The following PDE4D variants were observed in gnomAD, a reference collection of about 807,000 sequenced individuals.
PDE4D encodes the protein 3',5'-cyclic-AMP phosphodiesterase 4D.
Under a neutral mutation model 87.4 loss-of-function variants are expected in PDE4D, and 24 were observed. That is an observed-to-expected ratio of 0.27 (90% confidence interval 0.20 to 0.39). The LOEUF is 0.39. PDE4D is among the 10% of genes least tolerant of loss of function. PDE4D has a pLI of 1.00. For synonymous variants in PDE4D, 384 were observed against 383.2 expected, an observed-to-expected ratio of 1.00 and a Z score of -0.02; for missense variants, 714 against 1,041.0, an observed-to-expected ratio of 0.69 and a Z score of 4.32.
chr5:59,349,367 A>G (rs1364719707), intron 1 of PDE4D, among the ~76,000 whole-genome samples: 1 of 152,076 alleles, frequency 6.6e-6, no homozygotes, highest in East Asian at 1.9e-4. Context: ...TGAGGCCTCC[A>G]GAACAAGGAG....
At chr5:59,000,641 C>T (rs1464172373) in intron 6 of PDE4D, among the ~76,000 whole-genome samples, 1 of 152,068 alleles carries the variant, frequency 6.6e-6, no homozygotes, top group East Asian at 1.9e-4. Flanking sequence ...ATAAGGAATG[C>T]AGTGTTTTGT....
chr5:59,715,089 T>G (rs1481330022), intron 1 of PDE4D, among the ~76,000 whole-genome samples: 1 of 152,262 alleles, frequency 6.6e-6, no homozygotes, highest in African/African-American at 2.4e-5. Context: ...ATGCTGCCCT[T>G]CGGGCTCATG....
At chr5:59,140,024 T>C (rs530844005) in intron 5 of PDE4D, among the ~76,000 whole-genome samples, 1 of 152,318 alleles carries the variant, frequency 6.6e-6, no homozygotes, top group Admixed American at 6.5e-5. Context: ...CTAAAGATGA[T>C]GGATTCCAGA....
At chr5:59,001,876 T>A (rs16888990) in intron 6 of PDE4D, among the ~76,000 whole-genome samples, 1 of 152,144 alleles carries the variant, frequency 6.6e-6, no homozygotes, top group African/African-American at 2.4e-5. Flanking sequence ...TCTATGACTC[T>A]TTCCTACCAT....
chr5:59,647,459 GT>G (rs200418450), intron 1 of PDE4D, among the ~76,000 whole-genome samples: 173 of 67,178 alleles, frequency 2.6e-3, no homozygotes, highest in East Asian at 3.9e-3. Flanking sequence ...ATTTTTCAAA[GT>G]TTTTTTTTTT....
intron 5 of PDE4D, among the ~76,000 whole-genome samples, chr5:59,051,646 AG>A (rs1468017355): frequency 1.3e-5 from 2 of 152,244 alleles, no homozygotes; most frequent in Admixed American, 6.5e-5. Flanking sequence ...ACCTACCAAA[AG>A]CTAGAAGGTC....
At chr5:60,002,548 T>C (rs2662436) in intron 2 of PDE4D, among the ~76,000 whole-genome samples, 125,953 of 152,086 alleles carry the variant, frequency 0.83, 52,360 homozygotes, top group East Asian at 0.97. Flanking sequence ...AATTTGACAA[T>C]ACATTAAAAA....
chr5:59,641,838 A>T (rs1301058151), intron 1 of PDE4D, among the ~76,000 whole-genome samples: 3 of 152,240 alleles, frequency 2.0e-5, no homozygotes, highest in African/African-American at 7.2e-5. Context: ...ACACTAATAT[A>T]TTACTGAAAA....
At chr5:59,852,393 A>G (rs1224946028) in intron 1 of PDE4D, among the ~76,000 whole-genome samples, 3 of 152,066 alleles carry the variant, frequency 2.0e-5, no homozygotes, top group African/African-American at 7.2e-5. Context: ...CCTATGGATC[A>G]CGCACACTTT....
At chr5:59,890,840 A>G (rs159618) in intron 1 of PDE4D, among the ~76,000 whole-genome samples, 24,990 of 152,254 alleles carry the variant, frequency 0.16, 2,264 homozygotes, top group Middle Eastern at 0.25. Flanking sequence ...CAAATAAGTT[A>G]ATAAATGTAA....
intron 2 of PDE4D, among the ~76,000 whole-genome samples, chr5:60,121,331 T>C (rs1453793356): frequency 2.0e-5 from 3 of 152,076 alleles, no homozygotes; most frequent in African/African-American, 7.2e-5. Context: ...CAAGTGTTAC[T>C]TTTAGAGGAA....
At chr5:59,502,844 C>T (rs1210974929) in intron 1 of PDE4D, among the ~76,000 whole-genome samples, 4 of 150,086 alleles carry the variant, frequency 2.7e-5, no homozygotes, top group African/African-American at 9.8e-5. Flanking sequence ...TGATTCCACA[C>T]TATTTCTAAT....
intron 1 of PDE4D, among the ~76,000 whole-genome samples, chr5:59,247,028 T>C (rs1004471585): frequency 1.3e-5 from 2 of 152,192 alleles, no homozygotes; most frequent in African/African-American, 4.8e-5. Context: ...GTCTGTAAAC[T>C]ACCTACACCC....
intron 2 of PDE4D, among the ~76,000 whole-genome samples, chr5:59,197,880 C>T (rs184594981): frequency 2.6e-5 from 4 of 152,108 alleles, no homozygotes; most frequent in African/African-American, 7.2e-5. Context: ...CCCACAGAAG[C>T]TTTTTAAAGC....
intron 1 of PDE4D, among the ~76,000 whole-genome samples, chr5:59,711,453 G>C (rs1234950535): frequency 6.6e-6 from 1 of 152,008 alleles, no homozygotes; most frequent in Non-Finnish European, 1.5e-5. Flanking sequence ...ATACTCCTCT[G>C]TTGCATAATC....
At chr5:59,944,593 G>T (rs1338454376) in intron 3 of PDE4D, among the ~76,000 whole-genome samples, 1 of 151,884 alleles carries the variant, frequency 6.6e-6, no homozygotes. Flanking sequence ...CAATGGTCTC[G>T]ATCTCCTGAC....
chr5:59,205,653 A>AACACACACACACAC lies in PDE4D; in HGVS notation c.647+10110_647+10123dup, dbSNP rs35509503. ...TGTCTAATATGCTATCCACTAGCTA[A>AACACACACACACAC]ACACACACACACACACACACACACA... is the stretch of plus-strand genomic sequence containing the variant. On this transcript the variant is annotated intron_variant, in intron 2 of 14. Transcript: ENST00000340635. Among the ~76,000 whole-genome samples, 117 of 136,402 alleles carry AACACACACACACAC rather than the reference A, an allele frequency of 8.6e-4. 1 individual carries two copies. The highest frequency in any genetic ancestry group is 1.3e-3 in the South Asian group (5 of 3,790). The allele number at this position is 136,402 out of a possible 152,430, so 89.5% of individuals were successfully genotyped here.
chr5:59,981,453 G>C (rs887127410), intron 3 of PDE4D, among the ~76,000 whole-genome samples: 1 of 152,086 alleles, frequency 6.6e-6, no homozygotes, highest in Non-Finnish European at 1.5e-5. Flanking sequence ...AATTTTGTCT[G>C]CTTAGTATGC....
intron 1 of PDE4D, among the ~76,000 whole-genome samples, chr5:59,351,652 C>T (rs1369354012): frequency 2.0e-5 from 3 of 152,062 alleles, no homozygotes; most frequent in African/African-American, 7.2e-5. Context: ...CAGAAGCAGA[C>T]AATATAAAAT....
Sources: gnomAD v4.1 joint callset for allele counts (sites outside exome capture counted in the v4.1 genomes callset) on GRCh38, gnomAD v4.1.1 for gene constraint, MANE v1.5 for transcripts, NCBI Gene and HGNC (gene_info 2026-07-23, HGNC 2026-07-21) for gene names.